Variants in IQSEC3 observed in about 807,000 individuals in gnomAD.
IQSEC3 encodes IQ motif and SEC7 domain-containing protein 3.
IQSEC3 carries 50 observed loss-of-function variants against 105.4 expected under a neutral mutation model. The ratio of observed to expected loss-of-function variants is 0.47; its 90% CI spans 0.38 to 0.60. The LOEUF (loss-of-function observed/expected upper bound fraction) is 0.60. Among genes scored for constraint, IQSEC3 ranks in the 20% least tolerant of loss-of-function variants. The pLI is 0.00. For missense variants in IQSEC3, 1,415 were observed against 1,630.0 expected (o/e 0.87, Z 2.27); for synonymous variants, 708 against 746.0 (o/e 0.95, Z 0.83).
chr12:97,112 G>A (rs1448953432), intron 1 of IQSEC3, among the ~76,000 whole-genome samples: 1 of 152,214 alleles, frequency 6.6e-6, no homozygotes, highest in Admixed American at 6.5e-5. Context: ...TTGTGAGGCA[G>A]AATAGCACAG....
At chr12:144,624 G>A (rs1187888648) in intron 5 of IQSEC3, 1 of 152,226 alleles carries the variant, frequency 6.6e-6, no homozygotes, top group Non-Finnish European at 1.5e-5. Flanking sequence ...CTGCTGGTCT[G>A]TGTCTGAGCA....
chr12:133,064 T>C (rs904670), intron 3 of IQSEC3, among the ~76,000 whole-genome samples: 127,085 of 152,194 alleles, frequency 0.84, 53,292 homozygotes, highest in South Asian at 0.86. Context: ...ACTTGCTCAC[T>C]GGCCCATCAA....
At chr12:95,945 A>C (rs1864229921) in intron 1 of IQSEC3, among the ~76,000 whole-genome samples, 1 of 152,196 alleles carries the variant, frequency 6.6e-6, no homozygotes, top group South Asian at 2.1e-4. Flanking sequence ...TCTTCTGTTG[A>C]AGAAAAGAGT....
chr12:163,380 A>AGAACTGGACCCCTCCCCTGTCCCCTCACC, intron 8 of IQSEC3, 114 bp from the exon 9 acceptor site: 1 of 977,252 alleles, frequency 1.0e-6, no homozygotes, highest in Non-Finnish European at 1.4e-6. Flanking sequence ...CTCCCTCCAC[A>AGAACTGGACCCCTCCCCTGTCCCCTCACC]GAACCGGGCC....
At chr12:129,866 C>G (rs1865532421) in intron 3 of IQSEC3, among the ~76,000 whole-genome samples, 1 of 152,210 alleles carries the variant, frequency 6.6e-6, no homozygotes, top group Admixed American at 6.5e-5. Flanking sequence ...TCCAGCCTCA[C>G]TATGGGGCAC....
chr12:131,159 CGTTCT>C (rs1565419037), intron 3 of IQSEC3, among the ~76,000 whole-genome samples: 2 of 152,114 alleles, frequency 1.3e-5, no homozygotes, highest in Non-Finnish European at 2.9e-5. Context: ...GAAGGGGGCA[CGTTCT>C]AATTAACACT....
intron 13 of IQSEC3, 96 bp from the exon 14 acceptor site, chr12:174,503 T>C: frequency 9.1e-7 from 1 of 1,103,322 alleles, no homozygotes; most frequent in Non-Finnish European, 1.2e-6. Context: ...GGGCTGAGAG[T>C]GGGAGGGAGG....
At chr12:91,202 T>C (rs1283670745) in intron 1 of IQSEC3, among the ~76,000 whole-genome samples, 1 of 152,168 alleles carries the variant, frequency 6.6e-6, no homozygotes, top group Admixed American at 6.5e-5. Flanking sequence ...TCCCTCCCGC[T>C]CAAGCCCTCT....
In IQSEC3 at chr12:71,273, T is replaced by TGTG. The variant is rs1555067449; in HGVS notation, c.554+3837_554+3838insGTG. On this transcript the variant is annotated intron_variant, in intron 1 of 13. Transcript: ENST00000538872. ...CATGACTGGCCCATCCTGGAAACTA[T>TGTG]TAAGAAAGAAAGTGTGAAGGTCTGT... Among the ~76,000 whole-genome samples, 5 of 152,384 alleles carry TGTG rather than the reference T, an allele frequency of 3.3e-5. No individual in the cohort carries two copies. In the East Asian group the frequency reaches 9.6e-4, roughly 29 times the overall value.
intron 1 of IQSEC3, among the ~76,000 whole-genome samples, chr12:70,575 G>T (rs1393761195): frequency 6.6e-6 from 1 of 152,258 alleles, no homozygotes; most frequent in Non-Finnish European, 1.5e-5. Flanking sequence ...AAGGCTCACG[G>T]CATCTACAGA....
chr12:125,289 G>A (rs1865349729), intron 2 of IQSEC3, among the ~76,000 whole-genome samples: 1 of 152,228 alleles, frequency 6.6e-6, no homozygotes, highest in South Asian at 2.1e-4. Flanking sequence ...AAACAGAGGT[G>A]CAATGAGGCT....
At chr12:74,726 G>C (rs1343880435) in intron 1 of IQSEC3, among the ~76,000 whole-genome samples, 18 of 152,278 alleles carry the variant, frequency 1.2e-4, no homozygotes, top group Non-Finnish European at 2.1e-4. Flanking sequence ...AGCTGGGCCA[G>C]GGTCTCCTAG....
At chr12:157,198 C>A in intron 6 of IQSEC3, 51 bp downstream of exon 6, 1 of 1,477,492 alleles carries the variant, frequency 6.8e-7, no homozygotes, top group East Asian at 2.5e-5. Flanking sequence ...CGTGGGGAAG[C>A]CGGGCCGCTG....
intron 1 of IQSEC3, among the ~76,000 whole-genome samples, chr12:98,346 C>T (rs142062820): frequency 4.6e-5 from 7 of 152,288 alleles, no homozygotes; most frequent in South Asian, 4.1e-4. Flanking sequence ...TAAAAAGTCC[C>T]GGTGCCCTGG....
chr12:84,400 T>G (rs1177406925), intron 1 of IQSEC3, among the ~76,000 whole-genome samples: 1 of 152,254 alleles, frequency 6.6e-6, no homozygotes, highest in Non-Finnish European at 1.5e-5. Flanking sequence ...ATCCTTGTTC[T>G]CAGCTCTGCA....
At chr12:84,414 G>A (rs1254404525) in intron 1 of IQSEC3, among the ~76,000 whole-genome samples, 1 of 152,262 alleles carries the variant, frequency 6.6e-6, no homozygotes, top group Non-Finnish European at 1.5e-5. Context: ...CTCTGCATGT[G>A]TGCGTGTATG....
At position 165,042 on chromosome 12, in the gene IQSEC3, G is replaced by A. The variant is rs142796700; in HGVS notation, c.2710-392G>A. ...CTTAAGTAATGAGAGTAATGCAGCC[G>A]TGCAAAAAGCTGCCGGGAGAGCTGT... On this transcript the variant is annotated intron_variant, in intron 9 of 13. Coordinates refer to ENST00000538872, the MANE Select transcript of IQSEC3 (RefSeq NM_001170738.2). Among the ~76,000 whole-genome samples, 365 of 152,302 alleles carry A rather than the reference G, an allele frequency of 2.4e-3. 1 individual carries two copies. The highest frequency in any genetic ancestry group is 8.2e-3 in the African/African-American group (341 of 41,570).
At chr12:121,186 A>G (rs1555081847) in intron 2 of IQSEC3, among the ~76,000 whole-genome samples, 2 of 152,150 alleles carry the variant, frequency 1.3e-5, no homozygotes, top group Non-Finnish European at 2.9e-5. Flanking sequence ...GAAGCTGGAG[A>G]GACACAGCCT....
chr12:153,130 T>C (rs1206935245), intron 5 of IQSEC3, among the ~76,000 whole-genome samples: 1 of 151,978 alleles, frequency 6.6e-6, no homozygotes, highest in Non-Finnish European at 1.5e-5. Context: ...CAGAAGCTTA[T>C]GCTCAGGGAG....
Sources: gnomAD v4.1 joint callset for allele counts (sites outside exome capture counted in the v4.1 genomes callset) on GRCh38, gnomAD v4.1.1 for gene constraint, MANE v1.5 for transcripts, NCBI Gene and HGNC (gene_info 2026-07-23, HGNC 2026-07-21) for gene names.